Variants in SMG1 observed in about 807,000 individuals in gnomAD.
SMG1 encodes serine/threonine-protein kinase SMG1.
A neutral mutation model predicts 419.9 loss-of-function variants in SMG1; 22 were observed. That is an observed-to-expected ratio of 0.05 (90% confidence interval 0.04 to 0.07). The LOEUF (loss-of-function observed/expected upper bound fraction) is 0.07. SMG1 is among the 10% of genes least tolerant of loss of function. SMG1 has a pLI of 1.00. For missense variants in SMG1, 3,185 were observed against 4,342.0 expected (o/e 0.73, Z 7.49); for synonymous variants, 1,538 against 1,553.5 (o/e 0.99, Z 0.23).
chr16:18,914,348 T>C (rs1276276172), intron 1 of SMG1, among the ~76,000 whole-genome samples: 1 of 152,016 alleles, frequency 6.6e-6, no homozygotes, highest in East Asian at 1.9e-4. Context: ...GTCCGAAAAT[T>C]AATATGAAAG....
At chr16:18,832,866 A>G (rs1171825757) in intron 51 of SMG1, 74 bp downstream of exon 51, 3 of 1,301,542 alleles carry the variant, frequency 2.3e-6, no homozygotes, top group East Asian at 4.6e-5. Flanking sequence ...AACTTACGTT[A>G]AAGAGCTCAG....
intron 1 of SMG1, among the ~76,000 whole-genome samples, chr16:18,899,503 C>T (rs998029628): frequency 6.6e-6 from 1 of 152,090 alleles, no homozygotes; most frequent in Non-Finnish European, 1.5e-5. Context: ...CATTCTGAAC[C>T]TAAAAGCACA....
chr16:18,812,589 CATATAT>C (rs763532858), intron 60 of SMG1, among the ~76,000 whole-genome samples: 2 of 149,236 alleles, frequency 1.3e-5, no homozygotes, highest in Non-Finnish European at 3.0e-5. Flanking sequence ...CATATATATA[CATATAT>C]ATACACATAT....
intron 46 of SMG1, 131 bp from the exon 47 acceptor site, chr16:18,836,663 A>C: frequency 1.2e-6 from 1 of 868,088 alleles, no homozygotes; most frequent in Non-Finnish European, 1.8e-6. Flanking sequence ...CCCTCCTCAA[A>C]TGTCCCTTAC....
At chr16:18,905,160 C>T (rs575733324) in intron 1 of SMG1, among the ~76,000 whole-genome samples, 8 of 152,180 alleles carry the variant, frequency 5.3e-5, no homozygotes, top group African/African-American at 1.7e-4. Flanking sequence ...AGTTGGGAGG[C>T]TGAAGCAGGA....
chr16:18,872,822 A>G (rs1409308192), intron 13 of SMG1, among the ~76,000 whole-genome samples, 198 bp from the exon 14 acceptor site: 1 of 152,148 alleles, frequency 6.6e-6, no homozygotes, highest in Non-Finnish European at 1.5e-5. Flanking sequence ...TACCATCTCT[A>G]TGCAATGCAG....
In SMG1 at chr16:18,859,615, A is replaced by C. The variant is rs1567380984; in HGVS notation, c.3894T>G (p.Val1298=). The change falls in exon 27 of 63, where the codon GTT becomes GTG. Residue 1298 remains valine (V), a synonymous_variant. Transcript: ENST00000446231. The part of the protein sequence containing the change: ...SIEVQLLRSS[V]CLATALNPIE... ...TCGGGTTTAAAGCAGTTGCCAAACAAACAGAACTTCTTAACAATTGAACTT... is the reference window on the plus strand; with the variant it reads ...TCGGGTTTAAAGCAGTTGCCAAACACACAGAACTTCTTAACAATTGAACTT... 6.2e-7 allele frequency: 1 copy of C among 1,610,890 alleles called. No individual in the cohort carries two copies. Among genetic ancestry groups the C allele is most frequent in the Non-Finnish European group, 8.5e-7 (1 of 1,177,230 alleles).
At chr16:18,924,760 G>T (rs886299369) in intron 1 of SMG1, among the ~76,000 whole-genome samples, 2 of 151,968 alleles carry the variant, frequency 1.3e-5, no homozygotes, top group African/African-American at 4.8e-5. Context: ...CACAGTATTT[G>T]GAAAGGCATA....
Position 18,853,684 on chromosome 16 carries a change from G to A in SMG1, c.4667C>T (p.Thr1556Ile), listed in dbSNP as rs759985675. The change falls in exon 31 of 63, where the codon ACA becomes ATA. Residue 1556 changes from threonine (T) to isoleucine (I), a missense_variant. Thr to Ile is a moderately conservative substitution (Grantham distance 89). Coordinates refer to ENST00000446231, the MANE Select transcript of SMG1 (RefSeq NM_015092.5). ...VYRAQHQQNF[T>I]GLSTLSKNIL... ...GTTTTTAGACAAAGTAGAAAGACCT[G>A]TGAAGTTCTGTTGGTGCTGAGCTCT... is the stretch of plus-strand genomic sequence containing the variant. 1.9e-6 allele frequency: 3 copies of A among 1,613,564 alleles called. No individual in the cohort carries two copies. The highest frequency in any genetic ancestry group is 3.3e-5 in the Admixed American group (2 of 59,976).
chr16:18,907,868 A>AAAAAC (rs1555505977), intron 1 of SMG1, among the ~76,000 whole-genome samples: 1 of 142,704 alleles, frequency 7.0e-6, no homozygotes, highest in Non-Finnish European at 1.5e-5. Context: ...AAAAAAAAAA[A>AAAAAC]AGAGACCCTA....
Position 18,885,591 on chromosome 16 carries a change from T to G in SMG1, c.898A>C (p.Ile300Leu). ...PELLCKCVKC[I>L]LLVARCYPHI... is the part of the protein sequence containing the mutation. ...GGGTAACATCGAGCCACCAAAAGAA[T>G]GCACTTAACACATTTACAAAGCAAT... Residue 300 changes from isoleucine to leucine, a missense_variant, in exon 7 of 63, where the codon ATT (isoleucine) becomes CTT (leucine). By Grantham distance (5) the Ile-to-Leu change is conservative (BLOSUM62 2). Coordinates refer to ENST00000446231, the MANE Select transcript of SMG1 (RefSeq NM_015092.5). 1 of 1,596,068 alleles carries G rather than the reference T, an allele frequency of 6.3e-7. No individual in the cohort carries two copies. The highest frequency in any genetic ancestry group is 8.5e-7 in the Non-Finnish European group (1 of 1,179,558).
intron 58 of SMG1, chr16:18,816,031 C>T (rs2141110302): frequency 2.0e-6 from 1 of 488,636 alleles, no homozygotes; most frequent in East Asian, 3.8e-5. Flanking sequence ...AATGCTCAGA[C>T]TAGGTTCATA....
In SMG1 at chr16:18,828,081, T is replaced by C; in HGVS notation, c.9691A>G (p.Lys3231Glu). Reference protein sequence around the residue: ...PRSAILTSMKKKLHTLSQIET... With the variant: ...PRSAILTSMKEKLHTLSQIET... ...ATCTGGCTCAGGGTATGCAGCTTCT[T>C]TTTCATGCTGGTTAGGATAGCAGAC... The change falls in exon 55 of 63, where the codon AAG (lysine) becomes GAG (glutamate). Residue 3231 changes from lysine (K) to glutamate (E), a missense_variant. Physicochemically the swap from Lys to Glu is moderately conservative, Grantham distance 56 (BLOSUM62 1). This residue lies in a region of SMG1 where 737 missense variants were observed against 846.6 expected (regional missense o/e 0.87). Coordinates refer to ENST00000446231, the MANE Select transcript of SMG1 (RefSeq NM_015092.5). 1 of 1,613,500 alleles carries C rather than the reference T, an allele frequency of 6.2e-7. No homozygotes were observed. The highest frequency in any genetic ancestry group is 8.5e-7 in the Non-Finnish European group (1 of 1,179,678).
At chr16:18,901,840 G>A (rs1218142666) in intron 1 of SMG1, among the ~76,000 whole-genome samples, 1 of 151,690 alleles carries the variant, frequency 6.6e-6, no homozygotes, top group Non-Finnish European at 1.5e-5. Context: ...CAGGCATGGT[G>A]ACGGGCACCT....
intron 1 of SMG1, 67 bp downstream of exon 1, chr16:18,925,883 C>T: frequency 1.5e-6 from 2 of 1,294,230 alleles, no homozygotes; most frequent in Non-Finnish European, 2.1e-6. Context: ...GCCCCGCGGC[C>T]CTAGGCCTCG....
intron 46 of SMG1, 28 bp downstream of exon 46, chr16:18,837,225 T>A (rs1447827781): frequency 5.8e-6 from 9 of 1,557,132 alleles, no homozygotes; most frequent in African/African-American, 1.4e-5. Flanking sequence ...ATGGCACATA[T>A]TTAGAAGAAT....
chr16:18,897,924 T>C (rs1385405716), intron 1 of SMG1, among the ~76,000 whole-genome samples: 1 of 152,044 alleles, frequency 6.6e-6, no homozygotes, highest in African/African-American at 2.4e-5. Context: ...GAAAATCACT[T>C]CTATGATATT....
At chr16:18,893,431 C>T (rs1160653212) in intron 3 of SMG1, among the ~76,000 whole-genome samples, 1 of 152,126 alleles carries the variant, frequency 6.6e-6, no homozygotes. Flanking sequence ...TCGAGACCAG[C>T]CTGGGCAACA....
At position 18,828,216 on chromosome 16, in the gene SMG1, TTAGA is replaced by T. The variant is rs767742505; in HGVS notation, c.9604-52_9604-49del. 13 of 1,586,142 alleles carry T rather than the reference TTAGA, an allele frequency of 8.2e-6. No individual in the cohort carries two copies. In the South Asian group the frequency reaches 1.5e-4, roughly 18 times the overall value. ...ATTAAAATCAGCAGGAAAAAAGCGTTTAGATAAATAAGGGAAGGGAGGCGCAACC... is the reference window on the plus strand; with the variant it reads ...ATTAAAATCAGCAGGAAAAAAGCGTTTAAATAAGGGAAGGGAGGCGCAACC... On this transcript the variant is annotated intron_variant, in intron 54 of 62. Transcript: ENST00000446231.
Sources: allele counts gnomAD v4.1 joint callset (sites outside exome capture counted in the v4.1 genomes callset), GRCh38; gene constraint gnomAD v4.1.1; regional missense constraint gnomAD v4.1.1; transcripts MANE v1.5; gene names NCBI Gene and HGNC (gene_info 2026-07-23, HGNC 2026-07-21).